SHANK2: variants seen among roughly 807,000 people sequenced by gnomAD.
The protein encoded by SHANK2 is SH3 and multiple ankyrin repeat domains protein 2.
A neutral mutation model predicts 133.7 loss-of-function variants in SHANK2; 43 were observed. The ratio of observed to expected loss-of-function variants is 0.32; its 90% CI spans 0.25 to 0.41. SHANK2 has a LOEUF of 0.41. Among genes scored for constraint, SHANK2 ranks in the 10% least tolerant of loss-of-function variants. The pLI is 1.00. For missense variants in SHANK2, 1,994 were observed against 2,235.8 expected (o/e 0.89, Z 2.18); for synonymous variants, 1,017 against 952.8 (o/e 1.07, Z -1.24).
At chr11:71,141,302 G>A (rs1456847724) in intron 3 of SHANK2, among the ~76,000 whole-genome samples, 1 of 151,760 alleles carries the variant, frequency 6.6e-6, no homozygotes, top group Non-Finnish European at 1.5e-5. Flanking sequence ...AGACCAGCCT[G>A]GCCAACATGG....
intron 15 of SHANK2, 174 bp from the exon 16 acceptor site, chr11:70,661,852 G>T (rs1324525384): frequency 3.8e-6 from 6 of 1,581,436 alleles, no homozygotes; most frequent in African/African-American, 1.3e-5. Flanking sequence ...GAAGGAAGAG[G>T]GGGGTGGCTA....
chr11:70,641,382 T>C (rs999862508), intron 17 of SHANK2, among the ~76,000 whole-genome samples: 6 of 152,168 alleles, frequency 3.9e-5, no homozygotes, highest in East Asian at 3.9e-4. Flanking sequence ...CATAAGCCAC[T>C]GCGCCTGGAC....
chr11:70,534,743 G>A (rs1203502241), intron 17 of SHANK2, among the ~76,000 whole-genome samples: 1 of 152,202 alleles, frequency 6.6e-6, no homozygotes, highest in Non-Finnish European at 1.5e-5. Flanking sequence ...AAATGACAGT[G>A]ACACAGTTCA....
At position 70,614,217 on chromosome 11, in the gene SHANK2, T is replaced by C. The variant is rs533223554; in HGVS notation, c.2061+45611A>G. Among the ~76,000 whole-genome samples the C allele has an allele frequency of 3.2e-4, 48 of 152,174 alleles. No individual in the cohort carries two copies. The Middle Eastern group carries it at 0.01, about 33-fold the overall frequency. On this transcript the variant is annotated intron_variant, in intron 17 of 25. Transcript: ENST00000601538. ...GCCAGGAAGGGCCTCCTGGAGCCTC[T>C]GGAGGGAGCGCTGCCCTGCTGACAC...
At chr11:70,712,367 A>C (rs1337865312) in intron 14 of SHANK2, among the ~76,000 whole-genome samples, 2 of 152,188 alleles carry the variant, frequency 1.3e-5, no homozygotes, top group Admixed American at 1.3e-4. Context: ...TGATGTATTC[A>C]GAGCTTCTGG....
chr11:70,710,362 C>T (rs912522252), intron 14 of SHANK2, among the ~76,000 whole-genome samples: 7 of 152,178 alleles, frequency 4.6e-5, no homozygotes, highest in Non-Finnish European at 1.0e-4. Flanking sequence ...AGACTGTGTC[C>T]CACTGCCCCC....
intron 10 of SHANK2, among the ~76,000 whole-genome samples, chr11:70,932,901 G>A (rs1197325314): frequency 1.3e-5 from 2 of 152,210 alleles, no homozygotes; most frequent in African/African-American, 4.8e-5. Flanking sequence ...TGGAACTCTT[G>A]CACACTGTGG....
chr11:70,837,995 A>AG (rs1410904296), intron 11 of SHANK2, among the ~76,000 whole-genome samples: 3 of 150,458 alleles, frequency 2.0e-5, no homozygotes, highest in African/African-American at 7.3e-5. Flanking sequence ...AAAAAAAAAA[A>AG]AAAAAAGAAA....
At chr11:70,726,700 C>T (rs573424043) in intron 14 of SHANK2, among the ~76,000 whole-genome samples, 11 of 152,300 alleles carry the variant, frequency 7.2e-5, no homozygotes, top group Admixed American at 5.9e-4. Context: ...CACCCGTATG[C>T]GATATGACTT....
At chr11:70,898,850 A>C (rs928741362) in intron 10 of SHANK2, among the ~76,000 whole-genome samples, 2 of 152,234 alleles carry the variant, frequency 1.3e-5, no homozygotes, top group Non-Finnish European at 2.9e-5. Flanking sequence ...CTGGAACATC[A>C]CTTGATAATG....
intron 2 of SHANK2, among the ~76,000 whole-genome samples, chr11:71,170,727 C>T (rs117779142): frequency 6.6e-6 from 1 of 152,178 alleles, no homozygotes; most frequent in South Asian, 2.1e-4. Context: ...GCAGAGCCCA[C>T]GCTCAAAGGG....
Position 70,784,129 on chromosome 11 carries a change from A to G in SHANK2, c.1777+14314T>C, listed in dbSNP as rs1231355252. On this transcript the variant is annotated intron_variant, in intron 14 of 25. Transcript: ENST00000601538. ...AGCCGGGCACCCTGTTCACCCAGCC[A>G]GGGTCTCACTTGGCACAAAGAGGCC... Among the ~76,000 whole-genome samples the G allele has an allele frequency of 4.0e-5, 6 of 151,694 alleles. 1 individual carries two copies. The highest frequency in any genetic ancestry group is 3.9e-4 in the Admixed American group (6 of 15,246).
chr11:70,841,116 A>C (rs1590746392), intron 11 of SHANK2, among the ~76,000 whole-genome samples: 1 of 152,226 alleles, frequency 6.6e-6, no homozygotes, highest in East Asian at 1.9e-4. Context: ...TACAAAAAAA[A>C]CAAAATTAGC....
intron 14 of SHANK2, 58 bp downstream of exon 14, chr11:70,798,385 A>G: frequency 1.4e-6 from 1 of 712,820 alleles, no homozygotes; most frequent in Non-Finnish European, 2.6e-6. Context: ...AACACCGACC[A>G]CGGGCCTGAG....
At chr11:71,132,622 C>T (rs1388488591) in intron 3 of SHANK2, among the ~76,000 whole-genome samples, 3 of 152,168 alleles carry the variant, frequency 2.0e-5, no homozygotes, top group Non-Finnish European at 2.9e-5. Flanking sequence ...ATACAAAGCA[C>T]GAACCCAATA....
intron 11 of SHANK2, among the ~76,000 whole-genome samples, chr11:70,866,093 C>T (rs1212166460): frequency 2.6e-5 from 4 of 152,270 alleles, no homozygotes; most frequent in African/African-American, 9.6e-5. Context: ...CGCGCAGATG[C>T]CTCTGTCGGA....
intron 14 of SHANK2, among the ~76,000 whole-genome samples, chr11:70,708,239 T>TG (rs58386965): frequency 0.56 from 85,419 of 151,238 alleles, 24,938 homozygotes; most frequent in African/African-American, 0.71. Flanking sequence ...TGGAACCTGT[T>TG]ATACCCAAGA....
chr11:70,578,114 C>T (rs11236709), intron 17 of SHANK2, among the ~76,000 whole-genome samples: 23,918 of 152,194 alleles, frequency 0.16, 1,990 homozygotes, highest in Non-Finnish European at 0.19. Context: ...CTCAGACACA[C>T]GAAGACACAC....
In SHANK2 at chr11:70,479,569, G is replaced by A. The variant is rs927541696; in HGVS notation, c.4979+5745C>T. 2.0e-5 allele frequency among the ~76,000 whole-genome samples: 3 copies of A among 152,162 alleles called. No homozygotes were observed. Among genetic ancestry groups the A allele is most frequent in the Non-Finnish European group, 4.4e-5 (3 of 68,022 alleles). On this transcript the variant is annotated intron_variant, in intron 25 of 25. Coordinates refer to ENST00000601538, the MANE Select transcript of SHANK2 (RefSeq NM_012309.5). This position sits in a 1 kb window ranked among gnomAD's most constrained non-coding sequence, Gnocchi z 4.4. Reference sequence around the variant, plus strand: ...CCATGGGGAAGCGAAGGCCAATCTCGAGGTCCCTTCTGGACCCCACCCACT... The same window carrying A: ...CCATGGGGAAGCGAAGGCCAATCTCAAGGTCCCTTCTGGACCCCACCCACT...
Sources: allele counts gnomAD v4.1 joint callset (sites outside exome capture counted in the v4.1 genomes callset), GRCh38; gene constraint gnomAD v4.1.1; non-coding constraint Gnocchi (gnomAD v3.1); transcripts MANE v1.5; gene names NCBI Gene and HGNC (gene_info 2026-07-23, HGNC 2026-07-21).